The following AGAP1 variants were observed in gnomAD, a reference collection of about 807,000 sequenced individuals.
AGAP1 encodes ArfGAP with GTPase domain, ankyrin repeat and PH domain 1.
In AGAP1, 29 loss-of-function variants were observed where a neutral mutation model predicts 105.3. The observed-to-expected ratio is 0.28, with a 90% CI of 0.21 to 0.38. The LOEUF (loss-of-function observed/expected upper bound fraction) is 0.38, where lower values mean the gene tolerates loss of function less well. Ranked by LOEUF, AGAP1 falls within the 10% of genes least tolerant of loss-of-function variation. AGAP1 has a pLI of 1.00. For missense variants in AGAP1, 998 were observed against 1,165.1 expected (o/e 0.86, Z 2.09); for synonymous variants, 509 against 485.9 (o/e 1.05, Z -0.63).
intron 1 of AGAP1, among the ~76,000 whole-genome samples, chr2:235,657,865 G>A (rs192978791): frequency 5.8e-4 from 88 of 152,298 alleles, no homozygotes; most frequent in Non-Finnish European, 6.3e-4. Flanking sequence ...AATCCAGTAA[G>A]ACTGTGTCCT....
rs1044759265 is a variant in AGAP1, at chr2:235,740,899, C to T, written c.311-64C>T. On this transcript the variant is annotated intron_variant, in intron 3 of 17. Transcript: ENST00000304032. This position sits in a 1 kb window ranked among gnomAD's most constrained non-coding sequence, Gnocchi z 5.7. ...TGTATTTTTCCACAAGCGAAGCCCA[C>T]GTCTGTCTGCCCTCCTCACTCTCTG... 1.3e-5 allele frequency: 21 copies of T among 1,600,630 alleles called. No homozygotes were observed. The highest frequency in any genetic ancestry group is 5.5e-5 in the South Asian group (5 of 90,128).
At chr2:236,079,607 T>TAC (rs563410839) in intron 16 of AGAP1, among the ~76,000 whole-genome samples, 2 of 150,978 alleles carry the variant, frequency 1.3e-5, no homozygotes, top group African/African-American at 4.9e-5. Flanking sequence ...CATACATACA[T>TAC]ATATATATAG....
At chr2:235,651,105 C>T (rs999515468) in intron 1 of AGAP1, among the ~76,000 whole-genome samples, 1 of 145,336 alleles carries the variant, frequency 6.9e-6, no homozygotes, top group Non-Finnish European at 1.5e-5. Context: ...CAGTTGAACC[C>T]GAGAGGCAGA....
intron 12 of AGAP1, among the ~76,000 whole-genome samples, chr2:235,949,865 G>A (rs1425900989): frequency 2.0e-5 from 3 of 152,314 alleles, no homozygotes; most frequent in Admixed American, 2.0e-4. Flanking sequence ...AGAATGGAAA[G>A]TTCTGCCAGG....
chr2:235,844,447 T>A (rs566507474), intron 9 of AGAP1, among the ~76,000 whole-genome samples: 5 of 152,246 alleles, frequency 3.3e-5, no homozygotes, highest in African/African-American at 1.2e-4. Context: ...GCATATAAAA[T>A]TTTATCATTT....
chr2:236,049,624 C>T (rs1423555767), intron 16 of AGAP1: 1 of 170,350 alleles, frequency 5.9e-6, no homozygotes, highest in Non-Finnish European at 1.3e-5. Context: ...ATTTTTGATC[C>T]TTTAATTTTG....
At position 235,792,006 on chromosome 2, in the gene AGAP1, T is replaced by C. The variant is rs1480311654; in HGVS notation, c.674-5753T>C. On this transcript the variant is annotated intron_variant, in intron 6 of 17. Coordinates refer to ENST00000304032, the MANE Select transcript of AGAP1 (RefSeq NM_001037131.3). The surrounding 1 kb of genome is among the most constrained non-coding windows in gnomAD (Gnocchi z 5.3). ...TTTAGTCTCATGTGAATTTCATCAG[T>C]GTGTCTATGGTGAGCATTTAAAATA... Among the ~76,000 whole-genome samples the C allele has an allele frequency of 6.6e-6, 1 of 152,180 alleles. No homozygotes were observed. Among genetic ancestry groups the C allele is most frequent in the African/African-American group, 2.4e-5 (1 of 41,442 alleles).
chr2:235,729,532 T>C lies in AGAP1; in HGVS notation c.311-11431T>C, dbSNP rs1483250447. Among the ~76,000 whole-genome samples, 1 of 152,082 alleles carries C rather than the reference T, an allele frequency of 6.6e-6. No homozygotes were observed. The highest frequency in any genetic ancestry group is 2.4e-5 in the African/African-American group (1 of 41,374). On this transcript the variant is annotated intron_variant, in intron 3 of 17. Transcript: ENST00000304032. The surrounding 1 kb of genome is among the most constrained non-coding windows in gnomAD (Gnocchi z 5.0). ...ACGGCGGTCTCACCTCTGCCACCTG[T>C]GGATGAGAGGCTGGACCGGGTCTTG...
chr2:235,572,989 T>C (rs1299337014), intron 1 of AGAP1, among the ~76,000 whole-genome samples: 1 of 21,458 alleles, frequency 4.7e-5, no homozygotes, highest in African/African-American at 2.1e-4. Context: ...CTTCTTCTTC[T>C]TCTTCTTCTT....
intron 16 of AGAP1, among the ~76,000 whole-genome samples, chr2:236,112,395 G>A (rs1232973799): frequency 1.3e-5 from 2 of 151,422 alleles, no homozygotes; most frequent in Non-Finnish European, 2.9e-5. Context: ...CACCCTGGGT[G>A]GCACAGCGAC....
chr2:236,106,920 C>T (rs1035109772), intron 16 of AGAP1, among the ~76,000 whole-genome samples: 12 of 152,174 alleles, frequency 7.9e-5, no homozygotes, highest in African/African-American at 2.4e-4. Context: ...GGGGTGGCTG[C>T]CCTGGCCTAT....
At chr2:235,558,378 T>C (rs1414775178) in intron 1 of AGAP1, among the ~76,000 whole-genome samples, 2 of 152,122 alleles carry the variant, frequency 1.3e-5, no homozygotes, top group Admixed American at 1.3e-4. Context: ...TTTCCCTGTC[T>C]CCCAGCATCT....
rs2053982227 is a variant in AGAP1 at position 235,957,059 on chromosome 2, G to A, written c.1484-11403G>A. Among the ~76,000 whole-genome samples the A allele has an allele frequency of 6.6e-6, 1 of 152,200 alleles. No homozygotes were observed. Among genetic ancestry groups the A allele is most frequent in the Admixed American group, 6.5e-5 (1 of 15,276 alleles). On this transcript the variant is annotated intron_variant, in intron 12 of 17. Coordinates refer to ENST00000304032, the MANE Select transcript of AGAP1 (RefSeq NM_001037131.3). This position sits in a 1 kb window ranked among gnomAD's most constrained non-coding sequence, Gnocchi z 4.6. ...TCTCCCATTTAACAGGTGCAATGCA[G>A]TAGTTTTTAGTATCTCACAGATACC...
chr2:235,694,065 C>T (rs1003898836), intron 1 of AGAP1, among the ~76,000 whole-genome samples: 1 of 152,108 alleles, frequency 6.6e-6, no homozygotes, highest in Non-Finnish European at 1.5e-5. Context: ...GGAAGCTGGC[C>T]AGATGTGGTG....
chr2:236,068,491 A>G (rs2058407301), intron 16 of AGAP1, among the ~76,000 whole-genome samples: 1 of 152,000 alleles, frequency 6.6e-6, no homozygotes, highest in African/African-American at 2.4e-5. Flanking sequence ...TTTTTGACCT[A>G]GCAGTTCTTC....
intron 9 of AGAP1, among the ~76,000 whole-genome samples, chr2:235,831,497 TCA>T (rs1435143887): frequency 6.6e-6 from 1 of 152,208 alleles, no homozygotes; most frequent in Non-Finnish European, 1.5e-5. Context: ...CCGCCTGAAA[TCA>T]CAGATCTTTT....
chr2:235,774,858 C>T (rs1211398192), intron 6 of AGAP1, among the ~76,000 whole-genome samples: 1 of 152,168 alleles, frequency 6.6e-6, no homozygotes, highest in African/African-American at 2.4e-5. Context: ...TGATTGGCGC[C>T]TGCATTCACT....
At chr2:235,985,246 G>A (rs563677434) in intron 13 of AGAP1, among the ~76,000 whole-genome samples, 3 of 152,306 alleles carry the variant, frequency 2.0e-5, no homozygotes, top group South Asian at 4.1e-4. Flanking sequence ...CTGCATAAAT[G>A]TCTTCTTTTG....
intron 1 of AGAP1, among the ~76,000 whole-genome samples, chr2:235,497,696 G>A (rs955507040): frequency 1.3e-5 from 2 of 152,316 alleles, no homozygotes; most frequent in South Asian, 2.1e-4. Flanking sequence ...CCGGGTTCAC[G>A]CCATTCTCCT....
Sources: gnomAD v4.1 joint callset for allele counts (sites outside exome capture counted in the v4.1 genomes callset) on GRCh38, gnomAD v4.1.1 for gene constraint, Gnocchi (gnomAD v3.1) non-coding constraint, MANE v1.5 for transcripts, NCBI Gene and HGNC (gene_info 2026-07-23, HGNC 2026-07-21) for gene names.